Variants in DNAH9 observed in about 807,000 individuals in gnomAD.
The protein encoded by DNAH9 is dynein axonemal heavy chain 9.
In DNAH9, 345 loss-of-function variants were observed where a neutral mutation model predicts 471.6. That is an observed-to-expected ratio of 0.73 (90% CI 0.67 to 0.80). The LOEUF (loss-of-function observed/expected upper bound fraction) is 0.80. Among genes scored for constraint, DNAH9 ranks in the 30% least tolerant of loss-of-function variants. The probability of loss-of-function intolerance (pLI) is 0.00; values close to 1 mark genes in which losing one functional copy is unlikely to be tolerated. For missense variants in DNAH9, 5,407 were observed against 5,609.2 expected, an observed-to-expected ratio of 0.96 and a Z score of 1.15; for synonymous variants, 2,093 against 2,123.6, an observed-to-expected ratio of 0.99 and a Z score of 0.40.
chr17:11,853,152 G>C (rs2150969557), intron 49 of DNAH9: 1 of 151,890 alleles, frequency 6.6e-6, no homozygotes, highest in Non-Finnish European at 1.5e-5. Flanking sequence ...TGTATCCAGG[G>C]TAACTGAGCC....
intron 51 of DNAH9, among the ~76,000 whole-genome samples, 166 bp downstream of exon 51, chr17:11,869,419 A>G (rs865783662): frequency 1.3e-5 from 2 of 152,254 alleles, no homozygotes; most frequent in South Asian, 4.1e-4. Context: ...ATGTGGATGC[A>G]TAAACCCTAA....
In DNAH9 at chr17:11,702,423, G is replaced by T. The variant is rs141195797; in HGVS notation, c.5151+1176G>T. ...TAGTAGTAGTGTTGCTCTGTTTGGGGGTTGCAGACATTTAGTAGTCATCAA... is the reference window on the plus strand; with the variant it reads ...TAGTAGTAGTGTTGCTCTGTTTGGGTGTTGCAGACATTTAGTAGTCATCAA... On this transcript the variant is annotated intron_variant, in intron 24 of 68. Coordinates refer to ENST00000262442, the MANE Select transcript of DNAH9 (RefSeq NM_001372.4). 3.4e-3 allele frequency among the ~76,000 whole-genome samples: 517 copies of T among 152,302 alleles called. 3 individuals are homozygous for T. The highest frequency in any genetic ancestry group is 0.012 in the African/African-American group (488 of 41,570).
chr17:11,910,152 G>A (rs1973745170), intron 61 of DNAH9, among the ~76,000 whole-genome samples: 1 of 152,062 alleles, frequency 6.6e-6, no homozygotes, highest in African/African-American at 2.4e-5. Flanking sequence ...CTACTGGGGA[G>A]GCTGAGGCAG....
At chr17:11,808,817 T>C (rs1412217933) in intron 44 of DNAH9, among the ~76,000 whole-genome samples, 1 of 152,200 alleles carries the variant, frequency 6.6e-6, no homozygotes, top group Non-Finnish European at 1.5e-5. Context: ...TTAACTAGTC[T>C]GGGGAATGGC....
At chr17:11,702,689 C>G (rs572288653) in intron 24 of DNAH9, among the ~76,000 whole-genome samples, 1 of 152,068 alleles carries the variant, frequency 6.6e-6, no homozygotes, top group African/African-American at 2.4e-5. Flanking sequence ...AGAGATGAAG[C>G]AAAATAAAGA....
rs1252814096 is a variant in DNAH9, at chr17:11,852,085, A to G, written c.9508-1918A>G. ...CCTACCTCCCTGCCCTCACAGGTGT[A>G]TTGGGACCAAATGTGAAATCCATTG... On this transcript the variant is annotated intron_variant, in intron 49 of 68. Transcript: ENST00000262442. 3.3e-5 allele frequency among the ~76,000 whole-genome samples: 5 copies of G among 152,138 alleles called. 1 individual carries two copies. The highest frequency in any genetic ancestry group is 5.9e-5 in the Non-Finnish European group (4 of 68,038).
chr17:11,866,102 A>C (rs1164245569), intron 50 of DNAH9, among the ~76,000 whole-genome samples: 1 of 152,134 alleles, frequency 6.6e-6, no homozygotes, highest in Middle Eastern at 3.4e-3. Flanking sequence ...TCTGCTTTTT[A>C]GAGTTTCCAG....
At chr17:11,918,235 G>GTT (rs1488130558) in intron 61 of DNAH9, among the ~76,000 whole-genome samples, 1 of 143,606 alleles carries the variant, frequency 7.0e-6, no homozygotes, top group East Asian at 2.1e-4. Context: ...GTTTTGTTTT[G>GTT]TTTTGTTTTG....
chr17:11,745,602 A>T (rs1298620579), intron 31 of DNAH9, among the ~76,000 whole-genome samples: 1 of 152,218 alleles, frequency 6.6e-6, no homozygotes, highest in Non-Finnish European at 1.5e-5. Context: ...ACAGACACAC[A>T]CACACAACAA....
At position 11,752,822 on chromosome 17, in the gene DNAH9, G is replaced by A. The variant is rs756581923; in HGVS notation, c.6611-11G>A. 3.2e-6 allele frequency: 5 copies of A among 1,550,180 alleles called. No homozygotes were observed. In the Admixed American group the frequency reaches 1.0e-4, roughly 31 times the overall value. ...AGAAATGGAAAATAAGGTGTCAGTG[G>A]TTCCTTTTAGGATTGTTCTCTTCCA... On this transcript the variant is annotated splice_polypyrimidine_tract_variant and intron_variant, in intron 32 of 68. Coordinates refer to ENST00000262442, the MANE Select transcript of DNAH9 (RefSeq NM_001372.4).
intron 49 of DNAH9, among the ~76,000 whole-genome samples, chr17:11,852,814 GTATATATATATATATATA>G (rs58555259): frequency 0.048 from 4,469 of 92,740 alleles, 500 homozygotes; most frequent in African/African-American, 0.16. Context: ...GTGTGTGTGT[GTATATATATATATATATA>G]TATATATATA....
At chr17:11,934,435 AT>A (rs547023975) in intron 65 of DNAH9, among the ~76,000 whole-genome samples, 1,279 of 85,738 alleles carry the variant, frequency 0.015, 2 homozygotes, top group African/African-American at 0.048. Context: ...TGACAAACCC[AT>A]TTTTTTTTTT....
intron 45 of DNAH9, among the ~76,000 whole-genome samples, chr17:11,813,159 C>T (rs1226288021): frequency 6.6e-6 from 1 of 151,956 alleles, no homozygotes; most frequent in Non-Finnish European, 1.5e-5. Flanking sequence ...CTAAAGCCCT[C>T]CCAGTGAAAA....
rs1229524530 is a variant in DNAH9, at chr17:11,875,175, G to A, written c.10469G>A (p.Gly3490Asp). Residue 3490 changes from glycine to aspartate, a missense_variant, in exon 53 of 69, where the codon GGT (glycine) becomes GAT (aspartate). Physicochemically the swap from Gly to Asp is moderately conservative, Grantham distance 94 (BLOSUM62 -1). Coordinates refer to ENST00000262442, the MANE Select transcript of DNAH9 (RefSeq NM_001372.4). ...GAAGATCTCCGGGTCACGCAGATTG[G>A]TCAGAAAGGGTAAGTGGTTGAGCAC... ...YGEDLRVTQI[G>D]QKGYLQIIEQ... 3.1e-6 allele frequency: 5 copies of A among 1,611,314 alleles called. No homozygotes were observed. The Middle Eastern group carries it at 6.6e-4, about 213-fold the overall frequency.
chr17:11,848,123 A>G lies in DNAH9; in HGVS notation c.9508-5880A>G, dbSNP rs1199756180. On this transcript the variant is annotated intron_variant, in intron 49 of 68. Coordinates refer to ENST00000262442, the MANE Select transcript of DNAH9 (RefSeq NM_001372.4). Reference sequence around the variant, plus strand: ...GTAGGTCTCTTCAATCTACACTTTCATAAATAGTTCCTTTAGTTAACTGTC... The same window carrying G: ...GTAGGTCTCTTCAATCTACACTTTCGTAAATAGTTCCTTTAGTTAACTGTC... 5.3e-5 allele frequency among the ~76,000 whole-genome samples: 8 copies of G among 152,292 alleles called. No homozygotes were observed. The South Asian group carries it at 1.0e-3, about 20-fold the overall frequency.
chr17:11,800,999 AG>A (rs1279815134), intron 43 of DNAH9, among the ~76,000 whole-genome samples: 2 of 152,204 alleles, frequency 1.3e-5, no homozygotes, highest in African/African-American at 4.8e-5. Context: ...CCTCCCTGAG[AG>A]GGTAGCATTT....
Position 11,859,753 on chromosome 17 carries a change from T to A in DNAH9, c.9933+5325T>A, listed in dbSNP as rs146748498. Among the ~76,000 whole-genome samples, 266 of 152,218 alleles carry A rather than the reference T, an allele frequency of 1.7e-3. 2 individuals are homozygous for A. The highest frequency in any genetic ancestry group is 3.1e-3 in the Non-Finnish European group (208 of 68,016). On this transcript the variant is annotated intron_variant, in intron 50 of 68. Transcript: ENST00000262442. ...GAGAGAGAAGAGGGAGGTCCCACAC[T>A]CTTTTAAACAACCAGATCTCCCCTG...
Position 11,937,626 on chromosome 17 carries a change from A to ACACACAAAGCAC in DNAH9, c.12660+107_12660+118dup. Reference sequence around the variant, plus strand: ...ATTTTGGCAGTACACAGCATAGACAACACACAAAGCACCAACCACCTGCAG... The same window carrying ACACACAAAGCAC: ...ATTTTGGCAGTACACAGCATAGACAACACACAAAGCACCACACAAAGCACCAACCACCTGCAG... On this transcript the variant is annotated intron_variant, in intron 66 of 68. Coordinates refer to ENST00000262442, the MANE Select transcript of DNAH9 (RefSeq NM_001372.4). The surrounding 1 kb of genome is among the most constrained non-coding windows in gnomAD (Gnocchi z 4.1). The ACACACAAAGCAC allele has an allele frequency of 7.6e-7, 1 of 1,307,930 alleles. No individual in the cohort carries two copies. Among genetic ancestry groups the ACACACAAAGCAC allele is most frequent in the African/African-American group, 1.5e-5 (1 of 67,922 alleles). 81.0% of individuals were successfully genotyped at this position (1,307,930 alleles called of 1,614,324 possible). A position where few individuals can be genotyped will look rare whatever the true frequency, so the allele number is the denominator to read the frequency against.
intron 30 of DNAH9, among the ~76,000 whole-genome samples, chr17:11,742,791 G>A (rs2150836878): frequency 6.6e-6 from 1 of 152,308 alleles, no homozygotes; most frequent in Non-Finnish European, 1.5e-5. Flanking sequence ...TTTCTGCCTT[G>A]AACGGAGAAT....
Sources: allele counts gnomAD v4.1 joint callset (sites outside exome capture counted in the v4.1 genomes callset), GRCh38; gene constraint gnomAD v4.1.1; non-coding constraint Gnocchi (gnomAD v3.1); transcripts MANE v1.5; gene names NCBI Gene and HGNC (gene_info 2026-07-23, HGNC 2026-07-21).